UNC13C: variants seen among roughly 807,000 people sequenced by gnomAD.
UNC13C encodes unc-13 homolog C.
A neutral mutation model predicts 245.4 loss-of-function variants in UNC13C; 174 were observed. That is an observed-to-expected ratio of 0.71 (90% CI 0.63 to 0.80). The LOEUF (loss-of-function observed/expected upper bound fraction) is 0.80, where lower values mean the gene tolerates loss of function less well. UNC13C is among the 30% of genes least tolerant of loss of function. UNC13C has a pLI of 0.00. For synonymous variants in UNC13C, 992 were observed against 895.1 expected, an observed-to-expected ratio of 1.11 and a Z score of -1.93; for missense variants, 2,829 against 2,602.9, an observed-to-expected ratio of 1.09 and a Z score of -1.89.
rs533458920 is a variant in UNC13C at position 54,221,845 on chromosome 15, A to G, written c.3072-13185A>G. ...TAGCCAGTCTGTGAATATTAGCTAAATAACTATCAACTGTCCTCTTGTGGA... is the reference window on the plus strand; with the variant it reads ...TAGCCAGTCTGTGAATATTAGCTAAGTAACTATCAACTGTCCTCTTGTGGA... On this transcript the variant is annotated intron_variant, in intron 4 of 32. Coordinates refer to ENST00000260323, the MANE Select transcript of UNC13C (RefSeq NM_001080534.3). Among the ~76,000 whole-genome samples the G allele has an allele frequency of 2.6e-5, 4 of 152,224 alleles. No individual in the cohort carries two copies. In the South Asian group the frequency reaches 6.2e-4, roughly 24 times the overall value.
chr15:54,104,621 A>T (rs10775156), intron 2 of UNC13C, among the ~76,000 whole-genome samples: 39,488 of 151,950 alleles, frequency 0.26, 6,348 homozygotes, highest in Non-Finnish European at 0.35. Context: ...ATTTTCTGAT[A>T]GTTAAATTTT....
intron 26 of UNC13C, among the ~76,000 whole-genome samples, chr15:54,540,515 T>A (rs904908349): frequency 1.3e-5 from 2 of 152,130 alleles, no homozygotes; most frequent in Non-Finnish European, 2.9e-5. Flanking sequence ...TAAAGAGGCA[T>A]TTGCTAGTTT....
chr15:54,217,606 C>T (rs1235398579), intron 4 of UNC13C, among the ~76,000 whole-genome samples: 1 of 151,882 alleles, frequency 6.6e-6, no homozygotes, highest in Non-Finnish European at 1.5e-5. Context: ...TTGTTTCTGT[C>T]TACACAAGTC....
intron 18 of UNC13C, among the ~76,000 whole-genome samples, chr15:54,397,386 T>C (rs2040092620): frequency 6.6e-6 from 1 of 151,560 alleles, no homozygotes; most frequent in African/African-American, 2.4e-5. Flanking sequence ...CACTGATCTA[T>C]ATAGCCGTAA....
chr15:53,996,341 G>A (rs1458417103), intron 1 of UNC13C, among the ~76,000 whole-genome samples: 1 of 152,174 alleles, frequency 6.6e-6, no homozygotes, highest in Non-Finnish European at 1.5e-5. Context: ...GCAGGTTTAA[G>A]AGGTGAGGCC....
intron 19 of UNC13C, among the ~76,000 whole-genome samples, chr15:54,487,341 CT>C: frequency 6.6e-6 from 1 of 152,074 alleles, no homozygotes; most frequent in Non-Finnish European, 1.5e-5. Flanking sequence ...ATTTTCTTTG[CT>C]TTTTTTCCTG....
intron 25 of UNC13C, among the ~76,000 whole-genome samples, chr15:54,531,177 T>C (rs753459229): frequency 1.6e-4 from 25 of 152,240 alleles, no homozygotes; most frequent in Non-Finnish European, 3.1e-4. Flanking sequence ...TAAAATAGTC[T>C]GGAGTTTGGG....
At chr15:54,050,537 T>A in intron 2 of UNC13C, 1 of 473,188 alleles carries the variant, frequency 2.1e-6, no homozygotes, top group East Asian at 5.5e-5. Flanking sequence ...GCTTCATCAT[T>A]CTATCTTCCT....
rs1488196268 is a variant in UNC13C at position 54,092,749 on chromosome 15, A to G, written c.2984-50269A>G. 3.3e-5 allele frequency among the ~76,000 whole-genome samples: 5 copies of G among 152,204 alleles called. No individual in the cohort carries two copies. The East Asian group carries it at 7.7e-4, about 23-fold the overall frequency. ...CTATAAATATACTATAAATGGAGAT[A>G]TATGTGAGTTGTAATGGGAATATAG... On this transcript the variant is annotated intron_variant, in intron 2 of 32. Coordinates refer to ENST00000260323, the MANE Select transcript of UNC13C (RefSeq NM_001080534.3).
chr15:54,026,639 A>T (rs1330577672), intron 2 of UNC13C, among the ~76,000 whole-genome samples: 1 of 152,222 alleles, frequency 6.6e-6, no homozygotes, highest in Non-Finnish European at 1.5e-5. Context: ...GATAATTAAT[A>T]TATCATCCCA....
At chr15:54,442,148 T>A (rs1890561458) in intron 19 of UNC13C, among the ~76,000 whole-genome samples, 1 of 152,016 alleles carries the variant, frequency 6.6e-6, no homozygotes, top group African/African-American at 2.4e-5. Context: ...TTTCCAATTT[T>A]GATGCCTTTT....
At chr15:54,416,670 C>T (rs919614624) in intron 19 of UNC13C, among the ~76,000 whole-genome samples, 2 of 151,980 alleles carry the variant, frequency 1.3e-5, no homozygotes. Flanking sequence ...TTTCAGAGAG[C>T]GTTCACTACC....
At chr15:53,843,799 G>A in the UNC13C span, among the ~76,000 whole-genome samples, 1 of 152,160 alleles carries the variant, frequency 6.6e-6, no homozygotes, top group Non-Finnish European at 1.5e-5. Context: ...TTCCCTTGAA[G>A]TCAGGATTTA....
chr15:54,086,908 G>T (rs972205885), intron 2 of UNC13C, among the ~76,000 whole-genome samples: 11 of 151,660 alleles, frequency 7.3e-5, no homozygotes, highest in African/African-American at 1.5e-4. Flanking sequence ...CTAATTTTTT[G>T]TATTTTTAGT....
intron 29 of UNC13C, among the ~76,000 whole-genome samples, chr15:54,559,356 T>C (rs1897210372): frequency 6.6e-6 from 1 of 152,072 alleles, no homozygotes; most frequent in Non-Finnish European, 1.5e-5. Flanking sequence ...TATCCTGCTA[T>C]CTCCATTGTC....
At position 54,301,284 on chromosome 15, in the gene UNC13C, CTTTTGTTTTTTTTTTT is replaced by C. The variant is rs1385266350; in HGVS notation, c.4268+916_4268+931del. 5.9e-5 allele frequency among the ~76,000 whole-genome samples: 6 copies of C among 101,336 alleles called. No individual in the cohort carries two copies. In the Admixed American group the frequency reaches 6.8e-4, roughly 11 times the overall value. 66.5% of individuals were successfully genotyped at this position (101,336 alleles called of 152,430 possible). A position where few individuals can be genotyped will look rare whatever the true frequency, so the allele number is the denominator to read the frequency against. On this transcript the variant is annotated intron_variant, in intron 13 of 32. Coordinates refer to ENST00000260323, the MANE Select transcript of UNC13C (RefSeq NM_001080534.3). Reference sequence around the variant, plus strand: ...CTGGGCCAAAATCAGTGTTCATTTTCTTTTGTTTTTTTTTTTTTTTTGAATGTAAGTTCTGGGGTAC... The same window carrying C: ...CTGGGCCAAAATCAGTGTTCATTTTCTTTTTGAATGTAAGTTCTGGGGTAC...
chr15:54,192,203 A>T (rs1428722105), intron 4 of UNC13C, among the ~76,000 whole-genome samples: 1 of 152,180 alleles, frequency 6.6e-6, no homozygotes, highest in East Asian at 1.9e-4. Context: ...GTCACAATTT[A>T]TATTTCTTCC....
intron 17 of UNC13C, among the ~76,000 whole-genome samples, chr15:54,368,485 A>G (rs1233994279): frequency 6.6e-6 from 1 of 151,988 alleles, no homozygotes; most frequent in Admixed American, 6.6e-5. Flanking sequence ...GAAGTGCCAC[A>G]ACATGTGAGT....
At chr15:54,562,434 A>C (rs1897330621) in intron 29 of UNC13C, among the ~76,000 whole-genome samples, 1 of 152,062 alleles carries the variant, frequency 6.6e-6, no homozygotes, top group Admixed American at 6.6e-5. Flanking sequence ...CTAGACTCTC[A>C]GAATTGGAAA....
Sources: gnomAD v4.1 joint callset for allele counts (sites outside exome capture counted in the v4.1 genomes callset) on GRCh38, gnomAD v4.1.1 for gene constraint, MANE v1.5 for transcripts, NCBI Gene and HGNC (gene_info 2026-07-23, HGNC 2026-07-21) for gene names.